Variants in OTUD7B observed in about 807,000 individuals in gnomAD.
The protein encoded by OTUD7B is OTU domain-containing protein 7B.
Under a neutral mutation model 82.2 loss-of-function variants are expected in OTUD7B, and 34 were observed. That is an observed-to-expected ratio of 0.41 (90% CI 0.31 to 0.55). The LOEUF is 0.55. Among genes scored for constraint, OTUD7B ranks in the 20% least tolerant of loss-of-function variants. OTUD7B has a pLI of 0.20. For missense variants in OTUD7B, 944 were observed against 1,062.1 expected (o/e 0.89, Z 1.55); for synonymous variants, 398 against 402.7 (o/e 0.99, Z 0.14).
At position 149,940,513 on chromosome 1, in the gene OTUD7B, C is replaced by CT. The variant is rs2092754238; in HGVS notation, c.*3343dup. 6.6e-6 allele frequency: 1 copy of CT among 152,012 alleles called. No individual in the cohort carries two copies. The highest frequency in any genetic ancestry group is 2.4e-5 in the African/African-American group (1 of 41,352). 9.4% of individuals were successfully genotyped at this position (152,012 alleles called of 1,614,324 possible). A position where few individuals can be genotyped will look rare whatever the true frequency, so the allele number is the denominator to read the frequency against. ...CACAGCAGGGAGGGAGTAGCACTGT[C>CT]TAACATCAAAAAGGGAAAAACAAGA... On this transcript the variant is annotated 3_prime_UTR_variant, in exon 12 of 12. Coordinates refer to ENST00000581312, the MANE Select transcript of OTUD7B (RefSeq NM_020205.4).
At chr1:150,027,933 A>G in the OTUD7B span, among the ~76,000 whole-genome samples, 1 of 152,220 alleles carries the variant, frequency 6.6e-6, no homozygotes, top group African/African-American at 2.4e-5. Context: ...CATTTTTAAT[A>G]CAAGGAAAAA....
chr1:149,950,471 A>G (rs1370898853), intron 7 of OTUD7B, among the ~76,000 whole-genome samples: 5 of 152,206 alleles, frequency 3.3e-5, no homozygotes, highest in African/African-American at 1.2e-4. Context: ...AGTGTTAGGA[A>G]TTTGGAGGTA....
chr1:149,950,786 T>TTTTC (rs1269617234), intron 7 of OTUD7B, among the ~76,000 whole-genome samples: 120 of 412 alleles, frequency 0.29, 1 homozygote, highest in African/African-American at 0.4. Context: ...CCGTGTGTTT[T>TTTTC]TTGTTTTTTT....
the OTUD7B span, among the ~76,000 whole-genome samples, chr1:150,041,491 C>G: frequency 6.6e-6 from 1 of 152,102 alleles, no homozygotes; most frequent in Non-Finnish European, 1.5e-5. Flanking sequence ...TGCCACCACA[C>G]CCGGCTAATT....
At chr1:149,959,209 A>G (rs1369638462) in intron 7 of OTUD7B, among the ~76,000 whole-genome samples, 8 of 138,742 alleles carry the variant, frequency 5.8e-5, no homozygotes, top group African/African-American at 2.2e-4. Flanking sequence ...CAACAAAGTA[A>G]GACTCTGTCT....
At chr1:149,951,421 T>C (rs1648243637) in intron 7 of OTUD7B, among the ~76,000 whole-genome samples, 1 of 152,182 alleles carries the variant, frequency 6.6e-6, no homozygotes, top group South Asian at 2.1e-4. Flanking sequence ...GTGTTTCTTT[T>C]ATCTGTCTCC....
At chr1:149,969,903 T>C (rs1649794401) in intron 3 of OTUD7B, among the ~76,000 whole-genome samples, 1 of 152,132 alleles carries the variant, frequency 6.6e-6, no homozygotes, top group East Asian at 1.9e-4. Context: ...GGTTTCACCA[T>C]GTAGGCCAGG....
the OTUD7B span, among the ~76,000 whole-genome samples, chr1:150,017,385 C>T: frequency 1.3e-5 from 2 of 152,148 alleles, no homozygotes; most frequent in African/African-American, 4.8e-5. Flanking sequence ...ATGGTCCTGA[C>T]AAATCCCCTG....
rs782105965 is a variant in OTUD7B at position 149,999,072 on chromosome 1, T to A, written c.-67+11376A>T. 3.9e-5 allele frequency among the ~76,000 whole-genome samples: 6 copies of A among 152,340 alleles called. 2 individuals carry two copies. Among genetic ancestry groups the A allele is most frequent in the African/African-American group, 1.4e-4 (6 of 41,572 alleles). On this transcript the variant is annotated intron_variant, in intron 1 of 11. Transcript: ENST00000581312. ...TAACTCCTCCTTGGCATCTCCTTAG[T>A]GCATTGTCCCCAGATTCCAGTGCAC...
intron 2 of OTUD7B, among the ~76,000 whole-genome samples, chr1:149,973,660 A>G (rs1447100179): frequency 1.3e-5 from 2 of 150,932 alleles, no homozygotes; most frequent in Non-Finnish European, 2.9e-5. Context: ...TAATTTTTGT[A>G]TTTTTAGTGG....
chr1:149,955,420 T>C (rs1648595601), intron 7 of OTUD7B, among the ~76,000 whole-genome samples: 2 of 152,236 alleles, frequency 1.3e-5, no homozygotes, highest in Non-Finnish European at 2.9e-5. Context: ...TTTGTTATAA[T>C]TTCTGTTCTT....
intron 1 of OTUD7B, among the ~76,000 whole-genome samples, chr1:149,995,541 T>C (rs587657326): frequency 2.6e-5 from 4 of 151,808 alleles, no homozygotes; most frequent in African/African-American, 9.7e-5. Context: ...ATCGTGCCAC[T>C]GCACTCCAGC....
In OTUD7B at chr1:149,938,945, A is replaced by AT; in HGVS notation, c.*4911_*4912insA. The AT allele has an allele frequency of 6.7e-6, 1 of 149,936 alleles. No homozygotes were observed. The highest frequency in any genetic ancestry group is 2.0e-4 in the East Asian group (1 of 5,028). 9.3% of individuals were successfully genotyped at this position (149,936 alleles called of 1,614,324 possible). A position where few individuals can be genotyped will look rare whatever the true frequency, so the allele number is the denominator to read the frequency against. ...GAAACTCTGTCTCAAAAAAAAAAAA[A>AT]AAAAAAAGCGGGGTGGGGGGAAATC... On this transcript the variant is annotated 3_prime_UTR_variant, in exon 12 of 12. Coordinates refer to ENST00000581312, the MANE Select transcript of OTUD7B (RefSeq NM_020205.4).
chr1:150,025,423 A>G, the OTUD7B span, among the ~76,000 whole-genome samples: 1 of 147,848 alleles, frequency 6.8e-6, no homozygotes, highest in Non-Finnish European at 1.5e-5. Context: ...TTCAAAAACA[A>G]GCAAACAAAA....
chr1:149,954,258 G>C (rs1242018122), intron 7 of OTUD7B, among the ~76,000 whole-genome samples: 4 of 152,104 alleles, frequency 2.6e-5, no homozygotes, highest in African/African-American at 9.7e-5. Flanking sequence ...TAGCATGAAG[G>C]GCTGTTGAAT....
chr1:149,974,532 C>CTTTTTTTCTTTTTTTTTTTTTTT (rs1650158863), intron 2 of OTUD7B, among the ~76,000 whole-genome samples: 1 of 138,352 alleles, frequency 7.2e-6, no homozygotes, highest in Non-Finnish European at 1.5e-5. Flanking sequence ...TATTTTTCTT[C>CTTTTTTTCTTTTTTTTTTTTTTT]TTTTTTTTTC....
At chr1:150,057,976 C>T in the OTUD7B span, among the ~76,000 whole-genome samples, 2 of 152,136 alleles carry the variant, frequency 1.3e-5, no homozygotes, top group Non-Finnish European at 2.9e-5. Context: ...GAAAGCACTG[C>T]CCAAATGCCC....
At chr1:150,004,610 T>TTA (rs1336839022) in intron 1 of OTUD7B, among the ~76,000 whole-genome samples, 69 of 149,906 alleles carry the variant, frequency 4.6e-4, no homozygotes, top group Middle Eastern at 3.5e-3. Context: ...TAAATAAATT[T>TTA]TATATATATA....
chr1:150,050,942 A>G, the OTUD7B span, among the ~76,000 whole-genome samples: 1 of 151,876 alleles, frequency 6.6e-6, no homozygotes, highest in Non-Finnish European at 1.5e-5. Context: ...AAGAAAGAAA[A>G]AAACGGCTGG....
Sources: allele counts gnomAD v4.1 joint callset (sites outside exome capture counted in the v4.1 genomes callset), GRCh38; gene constraint gnomAD v4.1.1; transcripts MANE v1.5; gene names NCBI Gene and HGNC (gene_info 2026-07-23, HGNC 2026-07-21).